The following MACROD2 variants were observed in gnomAD, a reference collection of about 807,000 sequenced individuals.
MACROD2 encodes mono-ADP ribosylhydrolase 2, also known as ADP-ribose glycohydrolase MACROD2.
MACROD2 carries 36 observed loss-of-function variants against 70.4 expected under a neutral mutation model. The observed-to-expected ratio is 0.51, with a 90% CI of 0.39 to 0.68. The LOEUF (loss-of-function observed/expected upper bound fraction) is 0.68. Among genes scored for constraint, MACROD2 ranks in the 30% least tolerant of loss-of-function variants. The probability of loss-of-function intolerance (pLI) is 0.00; values close to 1 mark genes in which losing one functional copy is unlikely to be tolerated. For missense variants in MACROD2, 496 were observed against 538.4 expected, an observed-to-expected ratio of 0.92 and a Z score of 0.78; for synonymous variants, 172 against 178.8, an observed-to-expected ratio of 0.96 and a Z score of 0.30.
At chr20:15,931,997 T>C (rs1245901527) in intron 10 of MACROD2, among the ~76,000 whole-genome samples, 2 of 152,038 alleles carry the variant, frequency 1.3e-5, no homozygotes, top group Non-Finnish European at 2.9e-5. Context: ...AGATGGCGGG[T>C]CAAAGCACTC....
Position 15,021,239 on chromosome 20 carries a change from CCT to C in MACROD2, c.419-208700_419-208699del, listed in dbSNP as rs1568534891. Among the ~76,000 whole-genome samples the C allele has an allele frequency of 4.0e-4, 31 of 76,832 alleles. 5 individuals are homozygous for C. The highest frequency in any genetic ancestry group is 1.2e-3 in the African/African-American group (23 of 19,072). The allele number at this position is 76,832 out of a possible 152,430, so 50.4% of individuals were successfully genotyped here. A position where few individuals can be genotyped will look rare whatever the true frequency, so the allele number is the denominator to read the frequency against. Reference sequence around the variant, plus strand: ...ACATACAGGTGTGCGTATACACACACCTGTGTGTATGTATACACACACCTGTG... The same window carrying C: ...ACATACAGGTGTGCGTATACACACACGTGTGTATGTATACACACACCTGTG... On this transcript the variant is annotated intron_variant, in intron 5 of 17. Transcript: ENST00000684519.
chr20:14,340,104 G>A (rs188927516), intron 3 of MACROD2, among the ~76,000 whole-genome samples: 1 of 152,202 alleles, frequency 6.6e-6, no homozygotes, highest in Non-Finnish European at 1.5e-5. Flanking sequence ...ACAATAAGGG[G>A]ATGACTGTTT....
chr20:14,516,655 G>A (rs1006806052), intron 4 of MACROD2, among the ~76,000 whole-genome samples: 3 of 152,048 alleles, frequency 2.0e-5, no homozygotes. Context: ...TGTTCCATTG[G>A]TCTATATATC....
At chr20:15,844,653 G>A (rs575226228) in intron 8 of MACROD2, among the ~76,000 whole-genome samples, 1 of 152,208 alleles carries the variant, frequency 6.6e-6, no homozygotes, top group South Asian at 2.1e-4. Flanking sequence ...GTCCAGGAAA[G>A]TCTCCTGGAA....
intron 5 of MACROD2, among the ~76,000 whole-genome samples, chr20:14,743,632 G>A (rs2071762093): frequency 2.0e-5 from 3 of 152,170 alleles, no homozygotes. Context: ...ATAAATTTGT[G>A]TAGTTTAAGC....
At chr20:14,455,698 A>G (rs369118244) in intron 3 of MACROD2, among the ~76,000 whole-genome samples, 17 of 151,850 alleles carry the variant, frequency 1.1e-4, no homozygotes, top group African/African-American at 4.1e-4. Flanking sequence ...TCTATGAACC[A>G]ACATCATTAT....
chr20:15,896,536 C>CTTT (rs11438756), intron 10 of MACROD2, among the ~76,000 whole-genome samples: 5 of 144,854 alleles, frequency 3.5e-5, no homozygotes, highest in South Asian at 4.4e-4. Flanking sequence ...ATGTCACAAT[C>CTTT]TTTTTTTTTT....
At position 14,882,896 on chromosome 20, in the gene MACROD2, A is replaced by G. The variant is rs142713026; in HGVS notation, c.418+197937A>G. Among the ~76,000 whole-genome samples, 367 of 152,284 alleles carry G rather than the reference A, an allele frequency of 2.4e-3. 2 individuals are homozygous for G. Among genetic ancestry groups the G allele is most frequent in the African/African-American group, 7.6e-3 (317 of 41,564 alleles). On this transcript the variant is annotated intron_variant, in intron 5 of 17. Coordinates refer to ENST00000684519, the MANE Select transcript of MACROD2 (RefSeq NM_001351661.2). ...CCTTATGTAACAGATGTAAGAAACA[A>G]TTCCACCAATGCTGATATTATGGAG...
intron 6 of MACROD2, among the ~76,000 whole-genome samples, chr20:15,384,309 G>A (rs1434663018): frequency 6.6e-6 from 1 of 152,066 alleles, no homozygotes; most frequent in Non-Finnish European, 1.5e-5. Context: ...CCAAGCTTGA[G>A]TGCAGTGGTG....
At chr20:14,352,408 G>C (rs150791539) in intron 3 of MACROD2, 2 of 152,166 alleles carry the variant, frequency 1.3e-5, no homozygotes, top group South Asian at 4.1e-4. Flanking sequence ...GCAAATTTGT[G>C]AAGCATTCCA....
At chr20:15,639,101 G>A (rs981347377) in intron 8 of MACROD2, among the ~76,000 whole-genome samples, 15 of 151,798 alleles carry the variant, frequency 9.9e-5, no homozygotes, top group African/African-American at 3.7e-4. Context: ...CCTGGGCACA[G>A]TGGAAGGAAC....
At chr20:16,017,789 A>G (rs974116266) in intron 15 of MACROD2, among the ~76,000 whole-genome samples, 3 of 152,232 alleles carry the variant, frequency 2.0e-5, no homozygotes, top group Admixed American at 1.3e-4. Flanking sequence ...TTCATGACAC[A>G]TAGTGGGTAC....
intron 5 of MACROD2, among the ~76,000 whole-genome samples, chr20:15,086,054 T>G (rs1395459708): frequency 6.6e-6 from 1 of 152,034 alleles, no homozygotes; most frequent in Non-Finnish European, 1.5e-5. Context: ...CTCGCTCTGG[T>G]GAGGTGGGGT....
At chr20:14,757,702 C>A in intron 5 of MACROD2, 1 of 1,474,542 alleles carries the variant, frequency 6.8e-7, no homozygotes, top group Non-Finnish European at 9.5e-7. Context: ...TCATAAAGGC[C>A]ATGCAGTCTC....
Position 14,189,063 on chromosome 20 carries a change from T to A in MACROD2, c.271+103335T>A, listed in dbSNP as rs932841814. On this transcript the variant is annotated intron_variant, in intron 3 of 17. Transcript: ENST00000684519. ...TGAATGAATGAATGTGCCTTTTTTTTAACTAATGCTTACATGTGCTGCTTC... is the reference window on the plus strand; with the variant it reads ...TGAATGAATGAATGTGCCTTTTTTTAAACTAATGCTTACATGTGCTGCTTC... Among the ~76,000 whole-genome samples the A allele has an allele frequency of 7.2e-5, 11 of 152,312 alleles. No homozygotes were observed. The South Asian group carries it at 1.0e-3, about 14-fold the overall frequency.
intron 6 of MACROD2, among the ~76,000 whole-genome samples, chr20:15,313,185 G>GA (rs2077771816): frequency 6.6e-6 from 1 of 152,092 alleles, no homozygotes; most frequent in South Asian, 2.1e-4. Context: ...AGTTTTCACT[G>GA]AAAAAATGGA....
At chr20:15,672,600 G>A (rs948561150) in intron 8 of MACROD2, among the ~76,000 whole-genome samples, 3 of 152,132 alleles carry the variant, frequency 2.0e-5, no homozygotes, top group East Asian at 1.9e-4. Flanking sequence ...ACTCAGCCTC[G>A]GCCAATTCAC....
chr20:15,374,105 G>T (rs2045529138), intron 6 of MACROD2, among the ~76,000 whole-genome samples: 1 of 151,908 alleles, frequency 6.6e-6, no homozygotes, highest in Non-Finnish European at 1.5e-5. Context: ...TGAAACTCAT[G>T]GAAGACTCTT....
At chr20:15,022,215 TG>T (rs1474055148) in intron 5 of MACROD2, among the ~76,000 whole-genome samples, 1 of 152,186 alleles carries the variant, frequency 6.6e-6, no homozygotes, top group Non-Finnish European at 1.5e-5. Context: ...TATACAACAT[TG>T]GTTGTATCCC....
Sources: allele counts gnomAD v4.1 joint callset (sites outside exome capture counted in the v4.1 genomes callset), GRCh38; gene constraint gnomAD v4.1.1; transcripts MANE v1.5; gene names NCBI Gene and HGNC (gene_info 2026-07-23, HGNC 2026-07-21).